The following MAML3 variants were observed in gnomAD, a reference collection of about 807,000 sequenced individuals.
MAML3 encodes the protein mastermind like transcriptional coactivator 3.
A neutral mutation model predicts 101.9 loss-of-function variants in MAML3; 27 were observed. That is an observed-to-expected ratio of 0.27 (90% CI 0.20 to 0.37). MAML3 has a LOEUF of 0.37. Ranked by LOEUF, MAML3 falls within the 10% of genes least tolerant of loss-of-function variation. The probability of loss-of-function intolerance (pLI) is 1.00; values close to 1 mark genes in which losing one functional copy is unlikely to be tolerated. For missense variants in MAML3, 1,316 were observed against 1,444.9 expected (o/e 0.91, Z 1.45); for synonymous variants, 501 against 555.9 (o/e 0.90, Z 1.39).
intron 1 of MAML3, among the ~76,000 whole-genome samples, chr4:140,147,626 A>G: frequency 6.6e-6 from 1 of 152,250 alleles, no homozygotes; most frequent in East Asian, 1.9e-4. Flanking sequence ...AAAGGTAGAC[A>G]CTATGAAAAT....
At chr4:139,826,354 T>G (rs538434146) in intron 2 of MAML3, among the ~76,000 whole-genome samples, 4 of 152,280 alleles carry the variant, frequency 2.6e-5, no homozygotes, top group African/African-American at 9.6e-5. Context: ...CTTTTAAAGC[T>G]GTGTTCATAA....
chr4:139,981,412 AC>A (rs1476257374), intron 1 of MAML3, among the ~76,000 whole-genome samples: 5 of 152,238 alleles, frequency 3.3e-5, no homozygotes, highest in African/African-American at 1.2e-4. Context: ...GGGGTTGGGA[AC>A]AGTTCAGCCC....
At chr4:139,885,932 C>CAAAAAAAAAAAAAAAAAAAAAA (rs1182443191) in intron 2 of MAML3, among the ~76,000 whole-genome samples, 6 of 20,304 alleles carry the variant, frequency 3.0e-4, no homozygotes, top group East Asian at 5.6e-3. Context: ...GACTCCGTCT[C>CAAAAAAAAAAAAAAAAAAAAAA]AAAAAAAAAA....
intron 1 of MAML3, among the ~76,000 whole-genome samples, chr4:139,966,256 T>A (rs570539000): frequency 1.2e-4 from 19 of 152,290 alleles, no homozygotes; most frequent in African/African-American, 4.1e-4. Flanking sequence ...CGAAAATGAA[T>A]CTTCTAAAGT....
intron 1 of MAML3, among the ~76,000 whole-genome samples, chr4:140,060,529 A>G (rs1727429942): frequency 6.6e-6 from 1 of 152,010 alleles, no homozygotes; most frequent in East Asian, 1.9e-4. Flanking sequence ...AGGGCATTAG[A>G]TCTTTGAACA....
chr4:139,909,983 G>T (rs1391954264), intron 1 of MAML3, among the ~76,000 whole-genome samples: 1 of 151,776 alleles, frequency 6.6e-6, no homozygotes, highest in Non-Finnish European at 1.5e-5. Flanking sequence ...TTAAATGAGA[G>T]GAGTCAGCAA....
chr4:139,976,835 T>C (rs924461642), intron 1 of MAML3, among the ~76,000 whole-genome samples: 1 of 152,188 alleles, frequency 6.6e-6, no homozygotes, highest in Non-Finnish European at 1.5e-5. Flanking sequence ...GATTTTTTTT[T>C]CCCTCCAGGG....
chr4:139,779,037 T>G (rs934435483), intron 2 of MAML3, among the ~76,000 whole-genome samples: 1 of 151,822 alleles, frequency 6.6e-6, no homozygotes, highest in Non-Finnish European at 1.5e-5. Flanking sequence ...AAATCTGCCT[T>G]TACACAGCCT....
intron 1 of MAML3, among the ~76,000 whole-genome samples, chr4:139,918,702 G>C (rs1490079685): frequency 6.6e-6 from 1 of 152,192 alleles, no homozygotes; most frequent in Non-Finnish European, 1.5e-5. Context: ...TGTCTCCAGT[G>C]TCTAGCAGAG....
chr4:139,727,425 G>A (rs765029660), intron 3 of MAML3, among the ~76,000 whole-genome samples: 11 of 152,150 alleles, frequency 7.2e-5, no homozygotes, highest in Non-Finnish European at 1.3e-4. Flanking sequence ...TCCCACTTAC[G>A]ACTAGGAATG....
At chr4:139,863,839 T>TTTTGTTTTTTG (rs1560817741) in intron 2 of MAML3, among the ~76,000 whole-genome samples, 2 of 34,874 alleles carry the variant, frequency 5.7e-5, no homozygotes, top group African/African-American at 1.0e-3. Context: ...TGGGTTTTTT[T>TTTTGTTTTTTG]TTTTTTTTTT....
At chr4:139,780,656 G>A (rs1268287398) in intron 2 of MAML3, among the ~76,000 whole-genome samples, 1 of 136,842 alleles carries the variant, frequency 7.3e-6, no homozygotes, top group Admixed American at 8.2e-5. Flanking sequence ...ACAGAGTCTC[G>A]CTCTTGCTCT....
intron 1 of MAML3, among the ~76,000 whole-genome samples, chr4:140,016,068 TA>T (rs1457603746): frequency 6.6e-6 from 1 of 152,078 alleles, no homozygotes; most frequent in Non-Finnish European, 1.5e-5. Flanking sequence ...AAGGACCTCC[TA>T]AAACTAGTGA....
At chr4:139,811,327 C>G (rs1730792728) in intron 2 of MAML3, among the ~76,000 whole-genome samples, 1 of 152,170 alleles carries the variant, frequency 6.6e-6, no homozygotes, top group Non-Finnish European at 1.5e-5. Context: ...TCTAGAAAAG[C>G]CTTGGACAAG....
intron 1 of MAML3, among the ~76,000 whole-genome samples, chr4:140,025,768 T>C (rs1726811731): frequency 6.6e-6 from 1 of 152,210 alleles, no homozygotes; most frequent in South Asian, 2.1e-4. Context: ...AGTGTCCTTC[T>C]ACCCAATGCT....
At chr4:139,725,604 G>T in intron 4 of MAML3, 147 bp downstream of exon 4, 1 of 778,708 alleles carries the variant, frequency 1.3e-6, no homozygotes, top group Non-Finnish European at 2.2e-6. Flanking sequence ...CATTCTGATT[G>T]GTTAGTACTC....
intron 1 of MAML3, among the ~76,000 whole-genome samples, chr4:140,085,080 C>T (rs1465645815): frequency 1.3e-5 from 2 of 152,174 alleles, no homozygotes; most frequent in African/African-American, 4.8e-5. Context: ...TATCTGCCCC[C>T]AGACCACAGT....
At chr4:139,855,974 C>T (rs899530027) in intron 2 of MAML3, among the ~76,000 whole-genome samples, 3 of 152,246 alleles carry the variant, frequency 2.0e-5, no homozygotes, top group African/African-American at 7.2e-5. Flanking sequence ...CTGCTATACA[C>T]GGACTCAGTC....
At chr4:139,973,930 T>C (rs1394738103) in intron 1 of MAML3, among the ~76,000 whole-genome samples, 1 of 152,210 alleles carries the variant, frequency 6.6e-6, no homozygotes, top group Non-Finnish European at 1.5e-5. Context: ...TTCTCCCATC[T>C]AACTACATTC....
Sources: allele counts gnomAD v4.1 joint callset (sites outside exome capture counted in the v4.1 genomes callset), GRCh38; gene constraint gnomAD v4.1.1; transcripts MANE v1.5; gene names NCBI Gene and HGNC (gene_info 2026-07-23, HGNC 2026-07-21).